Variants in LCOR observed in about 807,000 individuals in gnomAD.
LCOR encodes the protein ligand dependent nuclear receptor corepressor.
Under a neutral mutation model 64.4 loss-of-function variants are expected in LCOR, and 14 were observed. That is an observed-to-expected ratio of 0.22 (90% CI 0.14 to 0.34). LCOR has a LOEUF of 0.34. Ranked by LOEUF, LCOR falls within the 10% of genes least tolerant of loss-of-function variation. LCOR has a pLI of 1.00. For missense variants in LCOR, 1,686 were observed against 1,765.3 expected (o/e 0.96, Z 0.80); for synonymous variants, 643 against 642.5 (o/e 1.00, Z -0.01).
chr10:96,985,044 C>A lies in LCOR; in HGVS notation c.4584C>A (p.Thr1528=). The change falls in exon 8 of 8, where the codon ACC becomes ACA. Residue 1528 remains threonine, a synonymous_variant. Coordinates refer to ENST00000421806, the MANE Select transcript of LCOR (RefSeq NM_001346516.2). The stretch of plus-strand genomic sequence containing the variant: ...CTCGGGCCAGACCCTCAACGAAAAC[C>A]CCAGAGAGCAGTGCAGCTCAGAGAA... The part of the protein sequence containing the change: ...GKTRARPSTK[T]PESSAAQRKR... 1 of 1,614,164 alleles carries A rather than the reference C, an allele frequency of 6.2e-7. No homozygotes were observed. Among genetic ancestry groups the A allele is most frequent in the South Asian group, 1.1e-5 (1 of 91,078 alleles).
chr10:96,936,029 G>T (rs1276127957), intron 4 of LCOR, among the ~76,000 whole-genome samples: 1 of 152,198 alleles, frequency 6.6e-6, no homozygotes, highest in African/African-American at 2.4e-5. Flanking sequence ...TCATGAATCG[G>T]GCAGCCTCCC....
At chr10:96,894,125 T>C (rs1454178714) in intron 2 of LCOR, among the ~76,000 whole-genome samples, 8 of 152,178 alleles carry the variant, frequency 5.3e-5, no homozygotes, top group Admixed American at 6.6e-5. Flanking sequence ...GGAGTCTCGC[T>C]CTGTCACCCA....
chr10:96,912,143 A>G (rs1846848705), intron 4 of LCOR, among the ~76,000 whole-genome samples: 1 of 152,054 alleles, frequency 6.6e-6, no homozygotes. Flanking sequence ...CATGTTGGTC[A>G]GGATGGTCTC....
chr10:96,900,908 G>A (rs191928178), intron 2 of LCOR, among the ~76,000 whole-genome samples: 1 of 147,448 alleles, frequency 6.8e-6, no homozygotes, highest in Admixed American at 6.8e-5. Flanking sequence ...AGATGGGGTC[G>A]GCCGGGCGCA....
chr10:96,887,337 G>A (rs914612656), intron 2 of LCOR, among the ~76,000 whole-genome samples: 5 of 152,158 alleles, frequency 3.3e-5, no homozygotes, highest in African/African-American at 1.2e-4. Context: ...GGAGGCCGAG[G>A]TGGGTGGATC....
At chr10:96,957,703 A>T in intron 7 of LCOR, 1 of 985,406 alleles carries the variant, frequency 1.0e-6, no homozygotes, top group Non-Finnish European at 1.2e-6. Context: ...GCAATTAATT[A>T]AATTAGGTTA....
chr10:96,984,317 T>C lies in LCOR; in HGVS notation c.3857T>C (p.Ile1286Thr), dbSNP rs1415941601. 3 of 1,614,074 alleles carry C rather than the reference T, an allele frequency of 1.9e-6. No homozygotes were observed. The Admixed American group carries it at 5.0e-5, about 27-fold the overall frequency. Reference sequence around the variant, plus strand: ...CCCGGCCCTAATTCTGAAGACAGCATAGAGGAAGTCAAGGAAGATAGAAAC... The same window carrying C: ...CCCGGCCCTAATTCTGAAGACAGCACAGAGGAAGTCAAGGAAGATAGAAAC... ...VSPGPNSEDSIEEVKEDRNSH... is the reference protein window; with the variant it reads ...VSPGPNSEDSTEEVKEDRNSH... Residue 1286 changes from isoleucine to threonine, a missense_variant, in exon 8 of 8, where the codon ATA becomes ACA. Around this residue, in one of 3 missense-constraint regions of LCOR, gnomAD observed 1,293 missense variants for 1,410.4 expected, o/e 0.92. Coordinates refer to ENST00000421806, the MANE Select transcript of LCOR (RefSeq NM_001346516.2).
intron 7 of LCOR, chr10:96,964,284 TC>T (rs1166198838): frequency 6.6e-6 from 1 of 151,734 alleles, no homozygotes; most frequent in Non-Finnish European, 1.5e-5. Flanking sequence ...GCTTGTTCTT[TC>T]GTGCATGTGT....
At chr10:96,833,602 G>A (rs1845387177) in intron 2 of LCOR, 123 bp downstream of exon 2, 6 of 287,402 alleles carry the variant, frequency 2.1e-5, no homozygotes, top group Non-Finnish European at 3.1e-5. Flanking sequence ...TGCTGCTGGT[G>A]TGTGGGGAGA....
At chr10:96,955,311 CCAAAAATGGCACTTCAAG>C in intron 7 of LCOR, 1 of 1,613,998 alleles carries the variant, frequency 6.2e-7, no homozygotes, top group Non-Finnish European at 8.5e-7. Context: ...CTCTGCCTTT[CCAAAAATGGCACTTCAAG>C]CAAAACAAGA....
chr10:96,956,436 T>A (rs1289824985), intron 7 of LCOR: 1 of 985,012 alleles, frequency 1.0e-6, no homozygotes, highest in Non-Finnish European at 1.2e-6. Context: ...AAGAAAAAAC[T>A]AAGAAGAACA....
At position 96,989,691 on chromosome 10, in the gene LCOR, ATATATTTT is replaced by A. The variant is rs1170162343; in HGVS notation, c.*4559_*4566del. 69 of 79,562 alleles carry A rather than the reference ATATATTTT, an allele frequency of 8.7e-4. No individual in the cohort carries two copies. Among genetic ancestry groups the A allele is most frequent in the African/African-American group, 4.6e-3 (59 of 12,940 alleles). The allele number at this position is 79,562 out of a possible 1,614,324, so 4.9% of individuals were successfully genotyped here. The stretch of plus-strand genomic sequence containing the variant: ...AGGATAAGGATATATATATATATAT[ATATATTTT>A]TTTTTTTTTTTTTTTTTTTTAATAG... On this transcript the variant is annotated 3_prime_UTR_variant, in exon 8 of 8. Transcript: ENST00000421806.
At chr10:96,832,658 C>T (rs1399703521) in intron 1 of LCOR, among the ~76,000 whole-genome samples, 2 of 150,146 alleles carry the variant, frequency 1.3e-5, no homozygotes, top group East Asian at 2.0e-4. Context: ...AGCGCGGGTT[C>T]CTCCCCCTCC....
chr10:96,952,195 G>A lies in LCOR; in HGVS notation c.331G>A (p.Gly111Ser), dbSNP rs1437417674. ...SPGCSSTQGN[G>S]ENSTEAKAVD... ...AGGCTGCTCCAGTACTCAAGGGAAC[G>A]GGTAAGGGAGAATATTTGTAGCCTT... The change falls in exon 7 of 8, where the codon GGT becomes AGT. Residue 111 changes from glycine (G) to serine (S), a missense_variant and splice_region_variant. By Grantham distance (56) the Gly-to-Ser change is moderately conservative. This residue lies in a region of LCOR where 313 missense variants were observed against 247.2 expected (regional missense o/e 1.27). Transcript: ENST00000421806. The A allele has an allele frequency of 6.2e-6, 10 of 1,603,628 alleles. No homozygotes were observed. Among genetic ancestry groups the A allele is most frequent in the East Asian group, 4.5e-5 (2 of 44,814 alleles).
chr10:96,980,773 C>G lies in LCOR; in HGVS notation c.333-20C>G, dbSNP rs1404645197. On this transcript the variant is annotated intron_variant, in intron 7 of 7. Coordinates refer to ENST00000421806, the MANE Select transcript of LCOR (RefSeq NM_001346516.2). ...TGGTAAATGACAATACTAATTCCTT[C>G]TTTCTCTTTCTCTGTCTAGTGAGAA... The G allele has an allele frequency of 9.1e-6, 6 of 658,492 alleles. No homozygotes were observed. Among genetic ancestry groups the G allele is most frequent in the Admixed American group, 7.1e-5 (3 of 42,536 alleles). The allele number at this position is 658,492 out of a possible 1,614,324, so 40.8% of individuals were successfully genotyped here. A position where few individuals can be genotyped will look rare whatever the true frequency, so the allele number is the denominator to read the frequency against.
chr10:96,906,493 G>C (rs1185229463), intron 2 of LCOR, among the ~76,000 whole-genome samples: 1 of 152,102 alleles, frequency 6.6e-6, no homozygotes, highest in Non-Finnish European at 1.5e-5. Flanking sequence ...ATAAGAAATT[G>C]CAAGATGGCA....
chr10:96,982,232 C>G lies in LCOR; in HGVS notation c.1772C>G (p.Pro591Arg). 6.2e-7 allele frequency: 1 copy of G among 1,614,218 alleles called. No homozygotes were observed. Among genetic ancestry groups the G allele is most frequent in the Non-Finnish European group, 8.5e-7 (1 of 1,180,030 alleles). Reference protein sequence around the residue: ...DVSPRKEPQEPEVCPTKIKPN... With the variant: ...DVSPRKEPQEREVCPTKIKPN... ...TCACCTCGAAAAGAACCTCAAGAGC[C>G]TGAGGTTTGCCCCACAAAGATTAAG... is the stretch of plus-strand genomic sequence containing the variant. Residue 591 changes from proline (P) to arginine (R), a missense_variant, in exon 8 of 8, where the codon CCT (proline) becomes CGT (arginine). Physicochemically the swap from Pro to Arg is moderately radical, Grantham distance 103. Transcript: ENST00000421806.
At chr10:96,864,574 A>G (rs1380405758) in intron 2 of LCOR, among the ~76,000 whole-genome samples, 1 of 152,218 alleles carries the variant, frequency 6.6e-6, no homozygotes, top group Non-Finnish European at 1.5e-5. Context: ...TACACAAGGA[A>G]CCAGATAAAA....
chr10:96,833,651 C>G (rs1478339512), intron 2 of LCOR, among the ~76,000 whole-genome samples, 172 bp downstream of exon 2: 2 of 152,186 alleles, frequency 1.3e-5, no homozygotes, highest in East Asian at 3.8e-4. Context: ...GCCCAGTCCT[C>G]GGGGAGGCCC....
Sources: allele counts gnomAD v4.1 joint callset (sites outside exome capture counted in the v4.1 genomes callset), GRCh38; gene constraint gnomAD v4.1.1; regional missense constraint gnomAD v4.1.1; transcripts MANE v1.5; gene names NCBI Gene and HGNC (gene_info 2026-07-23, HGNC 2026-07-21).